The following PTPRG variants were observed in gnomAD, a reference collection of about 807,000 sequenced individuals.
The protein encoded by PTPRG is receptor-type tyrosine-protein phosphatase gamma.
A neutral mutation model predicts 165.3 loss-of-function variants in PTPRG; 102 were observed. The observed-to-expected ratio is 0.62, with a 90% CI of 0.53 to 0.73. PTPRG has a LOEUF of 0.73. Ranked by LOEUF, PTPRG falls within the 30% of genes least tolerant of loss-of-function variation. The probability of loss-of-function intolerance (pLI) is 0.00; values close to 1 mark genes in which losing one functional copy is unlikely to be tolerated. For synonymous variants in PTPRG, 675 were observed against 669.5 expected (o/e 1.01, Z -0.13); for missense variants, 1,866 against 1,861.4 (o/e 1.00, Z -0.05).
intron 14 of PTPRG, among the ~76,000 whole-genome samples, chr3:62,231,863 A>T (rs1045880779): frequency 1.3e-5 from 2 of 151,606 alleles, no homozygotes; most frequent in Non-Finnish European, 2.9e-5. Flanking sequence ...TGAGTTCTGG[A>T]TAGTTTGAAT....
rs1450539955 is a variant in PTPRG at position 61,592,642 on chromosome 3, TTTCTTTC to T, written c.85+30273_85+30279del. Among the ~76,000 whole-genome samples, 47 of 120,026 alleles carry T rather than the reference TTTCTTTC, an allele frequency of 3.9e-4. No individual in the cohort carries two copies. In the South Asian group the frequency reaches 0.011, roughly 28 times the overall value. 78.7% of individuals were successfully genotyped at this position (120,026 alleles called of 152,430 possible). On this transcript the variant is annotated intron_variant, in intron 1 of 29. Coordinates refer to ENST00000474889, the MANE Select transcript of PTPRG (RefSeq NM_002841.4). ...TTTTCTCTCTCTTTTTCTTTCTTTC[TTTCTTTC>T]TTTTTTTTTTTTTTTAAGAAAGGGG...
At chr3:61,950,794 G>A (rs963558364) in intron 2 of PTPRG, among the ~76,000 whole-genome samples, 2 of 152,166 alleles carry the variant, frequency 1.3e-5, no homozygotes, top group African/African-American at 2.4e-5. Context: ...TGATCTTTAT[G>A]TTTAAATTAT....
chr3:62,201,962 T>C (rs1160366284), intron 11 of PTPRG, among the ~76,000 whole-genome samples: 14 of 152,174 alleles, frequency 9.2e-5, no homozygotes, highest in Admixed American at 6.5e-4. Context: ...CCATTCCTGG[T>C]TGGTATAATG....
chr3:61,959,043 C>G (rs2040094363), intron 2 of PTPRG, among the ~76,000 whole-genome samples: 1 of 152,346 alleles, frequency 6.6e-6, no homozygotes, highest in East Asian at 1.9e-4. Flanking sequence ...TCTGATGGTA[C>G]TGCTGTACCA....
intron 2 of PTPRG, among the ~76,000 whole-genome samples, chr3:61,823,242 G>T (rs2036007854): frequency 1.3e-5 from 2 of 152,202 alleles, no homozygotes; most frequent in Admixed American, 1.3e-4. Flanking sequence ...CCAGGCTAGA[G>T]TGCAGTGGCA....
At chr3:61,844,531 A>G (rs2036748421) in intron 2 of PTPRG, among the ~76,000 whole-genome samples, 1 of 151,804 alleles carries the variant, frequency 6.6e-6, no homozygotes, top group Admixed American at 6.6e-5. Context: ...TTTAAGAGGG[A>G]GAGTCTCGCC....
At position 62,216,884 on chromosome 3, in the gene PTPRG, A is replaced by C. The variant is rs9836300; in HGVS notation, c.2156-1967A>C. Among the ~76,000 whole-genome samples the C allele has an allele frequency of 4.5e-3, 680 of 151,582 alleles. 6 individuals carry two copies. The highest frequency in any genetic ancestry group is 0.016 in the African/African-American group (651 of 41,304). Reference sequence around the variant, plus strand: ...CCGTGCAGAACACCCTTCTTCCCCAACTCTCTGTTTGGCTAACTCCCCTTC... The same window carrying C: ...CCGTGCAGAACACCCTTCTTCCCCACCTCTCTGTTTGGCTAACTCCCCTTC... On this transcript the variant is annotated intron_variant, in intron 12 of 29. Transcript: ENST00000474889.
intron 1 of PTPRG, among the ~76,000 whole-genome samples, chr3:61,713,983 A>G (rs775513096): frequency 1.3e-5 from 2 of 152,268 alleles, no homozygotes; most frequent in South Asian, 4.1e-4. Flanking sequence ...ACAGCATTAC[A>G]TATCTGTGCA....
intron 28 of PTPRG, among the ~76,000 whole-genome samples, chr3:62,288,181 T>C (rs2148899164): frequency 6.9e-6 from 1 of 145,854 alleles, no homozygotes; most frequent in Admixed American, 6.8e-5. Flanking sequence ...CTCTACATAT[T>C]AGAAAGGTTA....
chr3:61,565,542 A>G lies in PTPRG; in HGVS notation c.85+3170A>G, dbSNP rs377599591. 9.9e-5 allele frequency among the ~76,000 whole-genome samples: 15 copies of G among 152,164 alleles called. No individual in the cohort carries two copies. In the South Asian group the frequency reaches 3.1e-3, roughly 32 times the overall value. ...ATCACTGGGAATTTAATTGCCTCTG[A>G]CACAGTATAAAATATGTTACTTCAG... is the stretch of plus-strand genomic sequence containing the variant. On this transcript the variant is annotated intron_variant, in intron 1 of 29. Transcript: ENST00000474889.
chr3:62,028,319 C>T (rs1412671019), intron 4 of PTPRG, among the ~76,000 whole-genome samples: 2 of 152,160 alleles, frequency 1.3e-5, no homozygotes, highest in Non-Finnish European at 2.9e-5. Flanking sequence ...ACGCTAATTA[C>T]AGCCTATACA....
chr3:61,834,340 C>T (rs1575704473), intron 2 of PTPRG, among the ~76,000 whole-genome samples: 1 of 151,970 alleles, frequency 6.6e-6, no homozygotes, highest in Admixed American at 6.6e-5. Context: ...AAAGATACTA[C>T]CCTGGCAGGG....
intron 4 of PTPRG, among the ~76,000 whole-genome samples, chr3:62,074,418 CCCTCAGTAG>C: frequency 7.1e-6 from 1 of 140,216 alleles, no homozygotes; most frequent in East Asian, 2.0e-4. Context: ...TGCAGTGGAG[CCCTCAGTAG>C]CCTCAATAGC....
At chr3:62,187,173 A>G (rs1699680804) in intron 8 of PTPRG, among the ~76,000 whole-genome samples, 1 of 152,228 alleles carries the variant, frequency 6.6e-6, no homozygotes, top group Non-Finnish European at 1.5e-5. Context: ...ATAATTACAG[A>G]TCGTCAATGA....
intron 5 of PTPRG, among the ~76,000 whole-genome samples, chr3:62,126,683 G>A (rs1703303655): frequency 6.6e-6 from 1 of 152,188 alleles, no homozygotes. Context: ...TATGATCCTG[G>A]AATTTAGTAG....
chr3:62,109,531 C>A (rs1023946690), intron 5 of PTPRG, among the ~76,000 whole-genome samples: 113 of 152,120 alleles, frequency 7.4e-4, no homozygotes, highest in Non-Finnish European at 1.5e-3. Flanking sequence ...TATGCAGGCT[C>A]TTTTTTGGTT....
At chr3:61,680,294 G>T (rs945217975) in intron 1 of PTPRG, among the ~76,000 whole-genome samples, 2 of 152,064 alleles carry the variant, frequency 1.3e-5, no homozygotes, top group African/African-American at 4.8e-5. Context: ...AAGGAAAGTA[G>T]AGTGAGGGAA....
chr3:61,911,062 C>G (rs2038791272), intron 2 of PTPRG, among the ~76,000 whole-genome samples: 1 of 152,210 alleles, frequency 6.6e-6, no homozygotes, highest in African/African-American at 2.4e-5. Flanking sequence ...TGGATAACGT[C>G]TACTCTTCCA....
intron 4 of PTPRG, among the ~76,000 whole-genome samples, chr3:62,019,790 T>A (rs77108455): frequency 5.9e-5 from 9 of 152,238 alleles, no homozygotes; most frequent in Admixed American, 5.9e-4. Flanking sequence ...CTTAAAAAAA[T>A]TAAAAACAAA....
Sources: allele counts gnomAD v4.1 joint callset (sites outside exome capture counted in the v4.1 genomes callset), GRCh38; gene constraint gnomAD v4.1.1; transcripts MANE v1.5; gene names NCBI Gene and HGNC (gene_info 2026-07-23, HGNC 2026-07-21).